The following ZNF717 variants were observed in gnomAD, a reference collection of about 807,000 sequenced individuals.
ZNF717 encodes the protein krueppel-like factor X17.
In ZNF717, 9 loss-of-function variants were observed where a neutral mutation model predicts 13.8. That is an observed-to-expected ratio of 0.65 (90% CI 0.39 to 1.14). ZNF717 has a LOEUF of 1.14. Ranked by LOEUF, ZNF717 falls within the 50% of genes most tolerant of loss-of-function variation. ZNF717 has a pLI of 0.01. For synonymous variants in ZNF717, 327 were observed against 364.1 expected (o/e 0.90, Z 1.16); for missense variants, 1,040 against 1,080.7 (o/e 0.96, Z 0.53).
exon 6 of ZNF717, chr3:75,730,561 A>T (rs1370772246): frequency 1.4e-6 from 1 of 699,342 alleles, no homozygotes. Context: ...TCCCATACGT[A>T]GGGATGTCCA....
downstream of ZNF717, among the ~76,000 whole-genome samples, chr3:75,732,541 T>A (rs1370982048): frequency 1.3e-5 from 2 of 152,212 alleles, no homozygotes; most frequent in African/African-American, 4.8e-5. Context: ...AGTGCACTTA[T>A]GAAACAGGCC....
intron 4 of ZNF717, among the ~76,000 whole-genome samples, chr3:75,722,258 C>CA (rs137896529): frequency 1.3e-5 from 2 of 151,542 alleles, no homozygotes; most frequent in Non-Finnish European, 2.9e-5. Flanking sequence ...GATTCCACTT[C>CA]AAAAAAAATT....
chr3:75,779,865 G>T (rs979929138), intron 2 of ZNF717, among the ~76,000 whole-genome samples: 4 of 149,368 alleles, frequency 2.7e-5, no homozygotes, highest in Non-Finnish European at 5.9e-5. Context: ...GCTAAAACCG[G>T]AACCCAAAAC....
intron 6 of ZNF717, among the ~76,000 whole-genome samples, chr3:75,703,321 A>G (rs1575712040): frequency 6.6e-6 from 1 of 152,428 alleles, no homozygotes; most frequent in South Asian, 2.1e-4. Context: ...GCTTGTTTTC[A>G]GGGGTTTGAG....
At position 75,736,665 on chromosome 3, in the gene ZNF717, T is replaced by G. The variant is rs1302199763; in HGVS notation, c.*213A>C. ...GCTGGCAGAGGTTGGTATATGAGCT[T>G]CTAGGAAAACAGCCATATCTGTGAC... is the stretch of plus-strand genomic sequence containing the variant. On this transcript the variant is annotated 3_prime_UTR_variant, in exon 5 of 5. Coordinates refer to ENST00000652011, the MANE Select transcript of ZNF717 (RefSeq NM_001290208.3). 2.9e-3 allele frequency: 1,558 copies of G among 545,168 alleles called. No individual in the cohort carries two copies. The highest frequency in any genetic ancestry group is 0.027 in the African/African-American group (1,377 of 50,336). The allele number at this position is 545,168 out of a possible 1,614,324, so 33.8% of individuals were successfully genotyped here. A position where few individuals can be genotyped will look rare whatever the true frequency, so the allele number is the denominator to read the frequency against.
chr3:75,730,690 G>A (rs1286455173), intron 5 of ZNF717: 9 of 687,592 alleles, frequency 1.3e-5, no homozygotes, highest in East Asian at 2.7e-5. Flanking sequence ...ATGAACCTAA[G>A]AGAATGAAAG....
chr3:75,729,615 CAAAAAAAAAA>C (rs369485280), downstream of ZNF717, among the ~76,000 whole-genome samples: 2 of 115,548 alleles, frequency 1.7e-5, no homozygotes, highest in Non-Finnish European at 3.4e-5. Context: ...AACTCCATAT[CAAAAAAAAAA>C]AAAAAAAAAA....
intron 2 of ZNF717, among the ~76,000 whole-genome samples, chr3:75,773,957 G>A (rs1233382179): frequency 6.6e-6 from 1 of 152,146 alleles, no homozygotes; most frequent in Non-Finnish European, 1.5e-5. Flanking sequence ...GCTGGGGCAG[G>A]AGAATCTCTT....
downstream of ZNF717, among the ~76,000 whole-genome samples, chr3:75,729,370 C>T (rs1344963550): frequency 1.3e-5 from 2 of 152,260 alleles, no homozygotes; most frequent in Non-Finnish European, 2.9e-5. Flanking sequence ...AATCCCAGCA[C>T]TCTAAGAGGC....
At chr3:75,711,480 A>G (rs77667583) in intron 5 of ZNF717, among the ~76,000 whole-genome samples, 1 of 152,154 alleles carries the variant, frequency 6.6e-6, no homozygotes, top group Non-Finnish European at 1.5e-5. Context: ...GGAGATTTTT[A>G]TTTAGTCTAC....
In ZNF717 at chr3:75,779,809, G is replaced by A. The variant is rs557305719; in HGVS notation, c.57+3497C>T. Among the ~76,000 whole-genome samples the A allele has an allele frequency of 7.3e-5, 11 of 151,124 alleles. No homozygotes were observed. The South Asian group carries it at 2.1e-3, about 29-fold the overall frequency. On this transcript the variant is annotated intron_variant, in intron 2 of 4. Transcript: ENST00000652011. Reference sequence around the variant, plus strand: ...TGCTAAAACCGGAACCCAAAACCATGGGAGTGTCGTGCTAAACCAGAAACC... The same window carrying A: ...TGCTAAAACCGGAACCCAAAACCATAGGAGTGTCGTGCTAAACCAGAAACC...
At chr3:75,778,202 G>A (rs527480153) in intron 2 of ZNF717, among the ~76,000 whole-genome samples, 39 of 151,916 alleles carry the variant, frequency 2.6e-4, no homozygotes, top group Middle Eastern at 3.5e-3. Context: ...AACAATGGGA[G>A]TGACGTGCTA....
At chr3:75,715,497 T>C (rs1402265385) in intron 5 of ZNF717, among the ~76,000 whole-genome samples, 3 of 152,234 alleles carry the variant, frequency 2.0e-5, no homozygotes, top group African/African-American at 7.2e-5. Flanking sequence ...TTCATAAATA[T>C]TTTTCTAGTT....
chr3:75,779,294 C>A (rs76670464), intron 2 of ZNF717, among the ~76,000 whole-genome samples: 3 of 137,906 alleles, frequency 2.2e-5, no homozygotes. Flanking sequence ...TGGGAGTGAT[C>A]TGCTAAAACC....
intron 2 of ZNF717, among the ~76,000 whole-genome samples, chr3:75,771,662 G>T (rs1943885391): frequency 6.6e-6 from 1 of 152,242 alleles, no homozygotes; most frequent in Non-Finnish European, 1.5e-5. Flanking sequence ...GCAGTGGGGA[G>T]GAGTGGCTGG....
chr3:75,755,459 A>T (rs894421385), intron 2 of ZNF717, among the ~76,000 whole-genome samples: 73 of 152,330 alleles, frequency 4.8e-4, no homozygotes, highest in African/African-American at 1.7e-3. Flanking sequence ...AAAAACATGT[A>T]TTTATTCATA....
downstream of ZNF717, among the ~76,000 whole-genome samples, chr3:75,725,682 C>G (rs144140200): frequency 7.8e-6 from 1 of 127,984 alleles, no homozygotes; most frequent in Admixed American, 8.0e-5. Flanking sequence ...AGGTCTTACA[C>G]GGCAGCAGAC....
chr3:75,706,253 C>T (rs1334343697), downstream of ZNF717, among the ~76,000 whole-genome samples: 3 of 152,290 alleles, frequency 2.0e-5, no homozygotes, highest in South Asian at 2.1e-4. Flanking sequence ...AGGAAATACA[C>T]TAACACTGAC....
At chr3:75,780,737 A>G (rs1412421807) in intron 2 of ZNF717, among the ~76,000 whole-genome samples, 2 of 152,268 alleles carry the variant, frequency 1.3e-5, no homozygotes, top group Admixed American at 1.3e-4. Context: ...ATGCGAGGCC[A>G]TTGTTTTAAA....
Sources: gnomAD v4.1 joint callset for allele counts (sites outside exome capture counted in the v4.1 genomes callset) on GRCh38, gnomAD v4.1.1 for gene constraint, MANE v1.5 for transcripts, NCBI Gene and HGNC (gene_info 2026-07-23, HGNC 2026-07-21) for gene names.